Variants in UBL3 observed in about 807,000 individuals in gnomAD.
UBL3 encodes the protein ubiquitin like 3.
UBL3 carries 6 observed loss-of-function variants against 18.4 expected under a neutral mutation model. The observed-to-expected ratio is 0.33, with a 90% CI of 0.18 to 0.64. The LOEUF (loss-of-function observed/expected upper bound fraction) is 0.64. Ranked by LOEUF, UBL3 falls within the 30% of genes least tolerant of loss-of-function variation. The pLI is 0.76. For missense variants in UBL3, 109 were observed against 142.9 expected, an observed-to-expected ratio of 0.76 and a Z score of 1.21; for synonymous variants, 49 against 46.6, an observed-to-expected ratio of 1.05 and a Z score of -0.21.
At chr13:29,798,444 C>A (rs1018582338) in intron 1 of UBL3, among the ~76,000 whole-genome samples, 10 of 152,106 alleles carry the variant, frequency 6.6e-5, no homozygotes, top group African/African-American at 2.4e-4. Context: ...ACCATAATTA[C>A]CATGATCACA....
chr13:29,839,566 A>T (rs1879042347), intron 1 of UBL3, among the ~76,000 whole-genome samples: 1 of 152,196 alleles, frequency 6.6e-6, no homozygotes, highest in South Asian at 2.1e-4. Context: ...AGGAGGAAGG[A>T]GCAGTTGAAC....
At chr13:29,773,408 G>A (rs552320740) in intron 2 of UBL3, among the ~76,000 whole-genome samples, 2 of 152,174 alleles carry the variant, frequency 1.3e-5, no homozygotes, top group Admixed American at 1.3e-4. Context: ...CTAGAAGAAA[G>A]ATCAAATAAG....
intron 2 of UBL3, among the ~76,000 whole-genome samples, chr13:29,775,590 G>C (rs1876961840): frequency 6.6e-6 from 1 of 152,082 alleles, no homozygotes. Context: ...TTCAAAGGAA[G>C]AAAATAAACC....
At chr13:29,805,638 C>T (rs1406377946) in intron 1 of UBL3, among the ~76,000 whole-genome samples, 1 of 152,120 alleles carries the variant, frequency 6.6e-6, no homozygotes, top group African/African-American at 2.4e-5. Context: ...ATAACTTGCC[C>T]TCCCATATTT....
rs749282830 is a variant in UBL3 at position 29,765,158 on chromosome 13, T to A, written c.*2097A>T. 4 of 152,030 alleles carry A rather than the reference T, an allele frequency of 2.6e-5. No homozygotes were observed. The highest frequency in any genetic ancestry group is 4.4e-5 in the Non-Finnish European group (3 of 67,974). The allele number at this position is 152,030 out of a possible 1,614,324, so 9.4% of individuals were successfully genotyped here. ...ACCAATAGAGAATTATTTTTAACCA[T>A]CATAAAAACTCAATCTTAATTAACT... is the stretch of plus-strand genomic sequence containing the variant. On this transcript the variant is annotated 3_prime_UTR_variant, in exon 5 of 5. Coordinates refer to ENST00000380680, the MANE Select transcript of UBL3 (RefSeq NM_007106.4).
intron 1 of UBL3, among the ~76,000 whole-genome samples, chr13:29,809,756 G>T (rs547761175): frequency 5.9e-5 from 9 of 152,198 alleles, no homozygotes; most frequent in African/African-American, 2.2e-4. Flanking sequence ...TCAGGACCCT[G>T]CCTTCTGACC....
At chr13:29,800,520 A>G (rs1048273777) in intron 1 of UBL3, among the ~76,000 whole-genome samples, 16 of 152,258 alleles carry the variant, frequency 1.1e-4, no homozygotes, top group African/African-American at 3.6e-4. Flanking sequence ...CAAAAGAGGC[A>G]GAAGAAAAAA....
At chr13:29,808,013 T>A (rs982006153) in intron 1 of UBL3, among the ~76,000 whole-genome samples, 17 of 152,166 alleles carry the variant, frequency 1.1e-4, no homozygotes, top group Non-Finnish European at 2.1e-4. Flanking sequence ...CAAACATGCA[T>A]TAAAACAGCT....
At chr13:29,777,893 A>G (rs1290000731) in intron 1 of UBL3, among the ~76,000 whole-genome samples, 1 of 152,028 alleles carries the variant, frequency 6.6e-6, no homozygotes, top group Non-Finnish European at 1.5e-5. Flanking sequence ...CAGCCTCCCA[A>G]GTAGCTGGGA....
intron 1 of UBL3, among the ~76,000 whole-genome samples, chr13:29,784,575 A>G (rs573655194): frequency 6.6e-6 from 1 of 152,084 alleles, no homozygotes; most frequent in Non-Finnish European, 1.5e-5. Flanking sequence ...GGAAAAAAAA[A>G]AAAACAACTC....
At chr13:29,777,539 A>C in intron 1 of UBL3, 1 of 524,056 alleles carries the variant, frequency 1.9e-6, no homozygotes, top group South Asian at 1.6e-5. Context: ...AAATTTAATC[A>C]CTCCAACAAT....
intron 1 of UBL3, among the ~76,000 whole-genome samples, chr13:29,835,155 TATATATATATATATATATATA>T (rs1878922778): frequency 4.3e-5 from 2 of 46,852 alleles, no homozygotes; most frequent in South Asian, 1.2e-3. Context: ...TATATATATA[TATATATATATATATATATATA>T]TATATATATC....
At chr13:29,825,462 C>T (rs1446324074) in intron 1 of UBL3, among the ~76,000 whole-genome samples, 1 of 152,142 alleles carries the variant, frequency 6.6e-6, no homozygotes, top group Non-Finnish European at 1.5e-5. Context: ...CTCTTTGAAG[C>T]AATTGTGAAT....
Position 29,788,870 on chromosome 13 carries a change from TGCGC to T in UBL3, c.28-11611_28-11608del, listed in dbSNP as rs1555232763. ...GTGTGTGTGTGTGTGTGTGTGTGTGTGCGCGCGCGCGCGCACGCGCACGTGTGTG... is the reference window on the plus strand; with the variant it reads ...GTGTGTGTGTGTGTGTGTGTGTGTGTGCGCGCGCGCACGCGCACGTGTGTG... On this transcript the variant is annotated intron_variant, in intron 1 of 4. Transcript: ENST00000380680. 1.3e-3 allele frequency among the ~76,000 whole-genome samples: 27 copies of T among 20,934 alleles called. No homozygotes were observed. In the East Asian group the frequency reaches 0.062, roughly 48 times the overall value. 13.7% of individuals were successfully genotyped at this position (20,934 alleles called of 152,430 possible).
intron 1 of UBL3, among the ~76,000 whole-genome samples, chr13:29,783,720 C>T (rs1877237383): frequency 6.6e-6 from 1 of 152,066 alleles, no homozygotes; most frequent in African/African-American, 2.4e-5. Context: ...TAGTGAAAGG[C>T]CTTTTTACTT....
intron 1 of UBL3, among the ~76,000 whole-genome samples, chr13:29,794,877 T>G (rs939731482): frequency 1.6e-4 from 24 of 152,244 alleles, no homozygotes; most frequent in African/African-American, 5.8e-4. Flanking sequence ...ATCATGAAAT[T>G]GGCTATGCAT....
chr13:29,823,829 G>C lies in UBL3; in HGVS notation c.27+25683C>G, dbSNP rs538243632. Among the ~76,000 whole-genome samples, 63 of 151,876 alleles carry C rather than the reference G, an allele frequency of 4.1e-4. 1 individual carries two copies. In the East Asian group the frequency reaches 0.011, roughly 26 times the overall value. Reference sequence around the variant, plus strand: ...CCCATTAACTCGTCATTTACATTAGGTGTATCTCCTAATGCTATCCCTCCC... The same window carrying C: ...CCCATTAACTCGTCATTTACATTAGCTGTATCTCCTAATGCTATCCCTCCC... On this transcript the variant is annotated intron_variant, in intron 1 of 4. Coordinates refer to ENST00000380680, the MANE Select transcript of UBL3 (RefSeq NM_007106.4).
At chr13:29,812,307 T>C (rs1878110581) in intron 1 of UBL3, among the ~76,000 whole-genome samples, 1 of 152,106 alleles carries the variant, frequency 6.6e-6, no homozygotes, top group African/African-American at 2.4e-5. Context: ...TGCTGAACTC[T>C]TGTACAAAGC....
chr13:29,815,347 A>T (rs1406715177), intron 1 of UBL3, among the ~76,000 whole-genome samples: 1 of 152,192 alleles, frequency 6.6e-6, no homozygotes, highest in Non-Finnish European at 1.5e-5. Flanking sequence ...CAAACTTCTG[A>T]GATCCTCTAG....
Sources: gnomAD v4.1 joint callset for allele counts (sites outside exome capture counted in the v4.1 genomes callset) on GRCh38, gnomAD v4.1.1 for gene constraint, MANE v1.5 for transcripts, NCBI Gene and HGNC (gene_info 2026-07-23, HGNC 2026-07-21) for gene names.